Variants in NPTN observed in about 807,000 individuals in gnomAD.
The protein encoded by NPTN is SDR-1.
Under a neutral mutation model 42.7 loss-of-function variants are expected in NPTN, and 5 were observed. That is an observed-to-expected ratio of 0.12 (90% CI 0.06 to 0.25). The LOEUF (loss-of-function observed/expected upper bound fraction) is 0.25, where lower values mean the gene tolerates loss of function less well. NPTN is among the 10% of genes least tolerant of loss of function. NPTN has a pLI of 1.00. For synonymous variants in NPTN, 180 were observed against 201.9 expected (o/e 0.89, Z 0.92); for missense variants, 307 against 525.4 (o/e 0.58, Z 4.06).
chr15:73,589,699 T>C (rs997624816), intron 3 of NPTN, among the ~76,000 whole-genome samples: 1 of 152,104 alleles, frequency 6.6e-6, no homozygotes, highest in Admixed American at 6.5e-5. Flanking sequence ...CCATCTTATA[T>C]TGCTCATTCC....
chr15:73,607,367 G>A (rs539579255), intron 1 of NPTN, among the ~76,000 whole-genome samples: 66 of 152,102 alleles, frequency 4.3e-4, no homozygotes, highest in Non-Finnish European at 3.2e-4. Flanking sequence ...CTTACTTTCT[G>A]TCTCTGACAA....
chr15:73,568,820 T>G, intron 6 of NPTN: 1 of 985,374 alleles, frequency 1.0e-6, no homozygotes, highest in Non-Finnish European at 1.2e-6. Context: ...TCAACAAACC[T>G]CCTCACCAGC....
At chr15:73,606,798 C>T (rs572255807) in intron 1 of NPTN, among the ~76,000 whole-genome samples, 2 of 152,202 alleles carry the variant, frequency 1.3e-5, no homozygotes, top group Non-Finnish European at 2.9e-5. Context: ...TACTTCAATT[C>T]GACAAAGATT....
At chr15:73,562,031 C>T (rs2141344983) in intron 7 of NPTN, 61 bp from the exon 8 acceptor site, 2 of 1,270,316 alleles carry the variant, frequency 1.6e-6, no homozygotes, top group South Asian at 2.6e-5. Flanking sequence ...CAAAGTATAA[C>T]ACATGGAAAT....
In NPTN at chr15:73,575,456, C is replaced by T. The variant is rs189036483; in HGVS notation, c.707-1661G>A. On this transcript the variant is annotated intron_variant, in intron 4 of 8. Transcript: ENST00000345330. Reference sequence around the variant, plus strand: ...TGAGAGCAATAAAAGTCAAAGCAGGCTGGATGTCACTCTGTTATCCAAGAT... The same window carrying T: ...TGAGAGCAATAAAAGTCAAAGCAGGTTGGATGTCACTCTGTTATCCAAGAT... Among the ~76,000 whole-genome samples the T allele has an allele frequency of 3.3e-5, 5 of 152,354 alleles. No homozygotes were observed. In the East Asian group the frequency reaches 9.7e-4, roughly 29 times the overall value.
At chr15:73,631,300 C>CA (rs1898728003) in intron 1 of NPTN, among the ~76,000 whole-genome samples, 1 of 152,146 alleles carries the variant, frequency 6.6e-6, no homozygotes. Context: ...AGTCGAAAAA[C>CA]TGATAAGACA....
intron 4 of NPTN, among the ~76,000 whole-genome samples, chr15:73,580,615 TTATATATG>T (rs1159208603): frequency 3.4e-3 from 494 of 145,146 alleles, no homozygotes; most frequent in Non-Finnish European, 3.8e-3. Flanking sequence ...TATATACATG[TTATATATG>T]TATATATGTA....
intron 3 of NPTN, chr15:73,591,759 T>C (rs961862428): frequency 2.2e-5 from 10 of 456,012 alleles, no homozygotes; most frequent in Admixed American, 7.1e-5. Flanking sequence ...GGATCATCTA[T>C]GATTCTCCAA....
chr15:73,567,169 T>C (rs1895073902), intron 6 of NPTN: 1 of 984,958 alleles, frequency 1.0e-6, no homozygotes, highest in African/African-American at 1.7e-5. Context: ...AGTGCTTTTG[T>C]AGTAAGGGGA....
chr15:73,613,778 T>C (rs1595958200), intron 1 of NPTN, among the ~76,000 whole-genome samples: 3 of 152,136 alleles, frequency 2.0e-5, no homozygotes, highest in East Asian at 3.9e-4. Context: ...CTCTGCCTCC[T>C]GGATTCAAGC....
chr15:73,594,862 GATAGAA>G (rs918539943), intron 2 of NPTN, among the ~76,000 whole-genome samples: 3 of 151,114 alleles, frequency 2.0e-5, no homozygotes, highest in African/African-American at 7.3e-5. Flanking sequence ...GTCATTCTTA[GATAGAA>G]CACCTGATGT....
rs374225987 is a variant in NPTN, at chr15:73,570,341, G to A, written c.923C>T (p.Thr308Met). Residue 308 changes from threonine to methionine, a missense_variant, in exon 6 of 9, where the codon ACG becomes ATG. Transcript: ENST00000345330. This position sits in a 1 kb window ranked among gnomAD's most constrained non-coding sequence, Gnocchi z 4.0. ...TELNIVNLQI[T>M]EDPGEYECNA... ...ACATTCATACTCGCCAGGGTCTTCC[G>A]TGATCTGCAGGTTCACAATGTTCAA... 1.4e-5 allele frequency: 22 copies of A among 1,614,104 alleles called. No individual in the cohort carries two copies. Among genetic ancestry groups the A allele is most frequent in the South Asian group, 2.2e-5 (2 of 91,082 alleles).
intron 3 of NPTN, among the ~76,000 whole-genome samples, chr15:73,589,701 G>C (rs1287251126): frequency 6.6e-6 from 1 of 151,970 alleles, no homozygotes; most frequent in African/African-American, 2.4e-5. Context: ...ATCTTATATT[G>C]CTCATTCCAA....
chr15:73,581,254 T>A (rs1361783954), intron 4 of NPTN, among the ~76,000 whole-genome samples: 1 of 152,176 alleles, frequency 6.6e-6, no homozygotes, highest in Non-Finnish European at 1.5e-5. Flanking sequence ...TGCCTTTTAA[T>A]AAGGGACTGC....
At chr15:73,561,798 T>A in intron 8 of NPTN, 98 bp downstream of exon 8, 1 of 915,628 alleles carries the variant, frequency 1.1e-6, no homozygotes. Flanking sequence ...AACTAAAATA[T>A]CTTATAACAC....
chr15:73,607,056 T>C (rs1356236060), intron 1 of NPTN, among the ~76,000 whole-genome samples: 1 of 152,174 alleles, frequency 6.6e-6, no homozygotes, highest in African/African-American at 2.4e-5. Flanking sequence ...ACCCCTAATG[T>C]TTCCTCTTAG....
intron 1 of NPTN, among the ~76,000 whole-genome samples, chr15:73,619,456 A>T (rs184752047): frequency 6.6e-6 from 1 of 152,194 alleles, no homozygotes; most frequent in Non-Finnish European, 1.5e-5. Flanking sequence ...CTACCAAAAC[A>T]TGTCACTTCT....
intron 1 of NPTN, among the ~76,000 whole-genome samples, chr15:73,630,411 A>G (rs151143824): frequency 6.6e-6 from 1 of 152,238 alleles, no homozygotes; most frequent in South Asian, 2.1e-4. Context: ...TCCTCTTTAA[A>G]CTACCATTTT....
Position 73,573,648 on chromosome 15 carries a change from T to C in NPTN, c.840+14A>G. 1.9e-6 allele frequency: 3 copies of C among 1,550,228 alleles called. No homozygotes were observed. Among genetic ancestry groups the C allele is most frequent in the Non-Finnish European group, 2.6e-6 (3 of 1,152,302 alleles). Reference sequence around the variant, plus strand: ...ACTCCAGCAACCAGAGACCCGGGCCTGCCTCCTACTCACCATGGGCATCCC... The same window carrying C: ...ACTCCAGCAACCAGAGACCCGGGCCCGCCTCCTACTCACCATGGGCATCCC... On this transcript the variant is annotated intron_variant, in intron 5 of 8. Coordinates refer to ENST00000345330, the MANE Select transcript of NPTN (RefSeq NM_012428.4).
Sources: gnomAD v4.1 joint callset for allele counts (sites outside exome capture counted in the v4.1 genomes callset) on GRCh38, gnomAD v4.1.1 for gene constraint, Gnocchi (gnomAD v3.1) non-coding constraint, MANE v1.5 for transcripts, NCBI Gene and HGNC (gene_info 2026-07-23, HGNC 2026-07-21) for gene names.